Variants in NTM observed in about 807,000 individuals in gnomAD.
NTM encodes the protein IgLON family member 2.
NTM carries 13 observed loss-of-function variants against 42.1 expected under a neutral mutation model. That is an observed-to-expected ratio of 0.31 (90% CI 0.20 to 0.49). NTM has a LOEUF of 0.49. Ranked by LOEUF, NTM falls within the 20% of genes least tolerant of loss-of-function variation. NTM has a pLI of 0.99. For synonymous variants in NTM, 187 were observed against 179.2 expected, an observed-to-expected ratio of 1.04 and a Z score of -0.35; for missense variants, 373 against 452.8, an observed-to-expected ratio of 0.82 and a Z score of 1.60.
intron 2 of NTM, among the ~76,000 whole-genome samples, chr11:132,070,028 C>G (rs192995758): frequency 7.1e-5 from 10 of 140,800 alleles, no homozygotes; most frequent in African/African-American, 2.8e-4. Context: ...GTTAACACGT[C>G]AAACTGACCG....
chr11:131,617,114 ACCC>A (rs1299652030), intron 1 of NTM, among the ~76,000 whole-genome samples: 1 of 151,956 alleles, frequency 6.6e-6, no homozygotes, highest in African/African-American at 2.4e-5. Flanking sequence ...GGGCAGGCAG[ACCC>A]TAGGTGTGCT....
chr11:132,097,868 A>C (rs114424749), intron 2 of NTM, among the ~76,000 whole-genome samples: 1 of 152,340 alleles, frequency 6.6e-6, no homozygotes, highest in African/African-American at 2.4e-5. Flanking sequence ...ACTTGGGCAG[A>C]TGGTAGGCTG....
At chr11:131,840,036 G>A (rs1463101177) in intron 1 of NTM, among the ~76,000 whole-genome samples, 7 of 152,192 alleles carry the variant, frequency 4.6e-5, no homozygotes, top group Non-Finnish European at 1.0e-4. Flanking sequence ...CTGTGTTGGG[G>A]AGTTCAGGTC....
At chr11:132,311,863 C>G (rs1591926799) in intron 6 of NTM, among the ~76,000 whole-genome samples, 1 of 152,196 alleles carries the variant, frequency 6.6e-6, no homozygotes, top group East Asian at 1.9e-4. Context: ...TGCAGCATCT[C>G]TGGTCACAAT....
intron 1 of NTM, among the ~76,000 whole-genome samples, chr11:131,611,496 A>G (rs2061462985): frequency 6.6e-6 from 1 of 152,226 alleles, no homozygotes; most frequent in African/African-American, 2.4e-5. Context: ...GTGTGGAATC[A>G]GATTGCTCTG....
chr11:131,962,934 T>C (rs2062391422), intron 2 of NTM, among the ~76,000 whole-genome samples: 1 of 152,188 alleles, frequency 6.6e-6, no homozygotes, highest in Non-Finnish European at 1.5e-5. Flanking sequence ...GTGAAGATCC[T>C]TACTCACTGC....
intron 6 of NTM, among the ~76,000 whole-genome samples, chr11:132,310,592 C>T (rs144960997): frequency 0.014 from 2,079 of 152,074 alleles, 20 homozygotes; most frequent in Non-Finnish European, 0.021. Context: ...CTCAGGCTTG[C>T]GTAAAGGAGT....
intron 1 of NTM, among the ~76,000 whole-genome samples, chr11:131,552,971 A>T (rs1338140844): frequency 1.3e-5 from 2 of 152,226 alleles, no homozygotes; most frequent in African/African-American, 4.8e-5. Context: ...GACTCACACA[A>T]TCCAAACCAA....
At chr11:131,582,158 T>C (rs1394859145) in intron 1 of NTM, 5 of 152,326 alleles carry the variant, frequency 3.3e-5, no homozygotes, top group African/African-American at 4.8e-5. Flanking sequence ...TCCCAGCCTC[T>C]AAAATGCAGA....
chr11:131,669,994 C>T (rs547991152), intron 1 of NTM, among the ~76,000 whole-genome samples: 295 of 152,234 alleles, frequency 1.9e-3, no homozygotes, highest in African/African-American at 6.6e-3. Flanking sequence ...CCGATTGAAG[C>T]GGAGGCTGGG....
intron 1 of NTM, among the ~76,000 whole-genome samples, chr11:131,380,075 T>C (rs1454882915): frequency 1.3e-5 from 2 of 152,218 alleles, no homozygotes; most frequent in East Asian, 3.8e-4. Flanking sequence ...TGGGGTTTCC[T>C]GTTGCTCCCT....
At chr11:131,691,565 C>T (rs1166594777) in intron 1 of NTM, among the ~76,000 whole-genome samples, 1 of 152,138 alleles carries the variant, frequency 6.6e-6, no homozygotes, top group Non-Finnish European at 1.5e-5. Flanking sequence ...AAAGCCCCCC[C>T]CCGACTTCCC....
At chr11:132,215,169 G>C (rs139976293) in intron 4 of NTM, among the ~76,000 whole-genome samples, 8 of 152,354 alleles carry the variant, frequency 5.3e-5, no homozygotes, top group African/African-American at 1.7e-4. Context: ...TCCAAAGAAA[G>C]AGCGCTGTTG....
chr11:132,281,571 C>T (rs2093972048), intron 4 of NTM, among the ~76,000 whole-genome samples: 1 of 152,300 alleles, frequency 6.6e-6, no homozygotes, highest in East Asian at 1.9e-4. Context: ...CTTTCATTTA[C>T]AGAACCCCAG....
intron 1 of NTM, among the ~76,000 whole-genome samples, chr11:131,642,180 C>T (rs1212606693): frequency 6.6e-6 from 1 of 152,138 alleles, no homozygotes; most frequent in Non-Finnish European, 1.5e-5. Flanking sequence ...GCTGGATAAA[C>T]AGTGCTAAGC....
At chr11:132,139,253 C>T (rs2068604020) in intron 2 of NTM, among the ~76,000 whole-genome samples, 1 of 152,186 alleles carries the variant, frequency 6.6e-6, no homozygotes, top group African/African-American at 2.4e-5. Flanking sequence ...GATGCCCCAC[C>T]TTGCCCAGGT....
At chr11:132,090,198 C>A (rs2060220057) in intron 2 of NTM, among the ~76,000 whole-genome samples, 1 of 152,134 alleles carries the variant, frequency 6.6e-6, no homozygotes. Flanking sequence ...AGAAGGTGAG[C>A]ACTTAAACCA....
chr11:132,258,227 G>C (rs902511314), intron 4 of NTM, among the ~76,000 whole-genome samples: 6 of 152,192 alleles, frequency 3.9e-5, no homozygotes, highest in African/African-American at 7.2e-5. Flanking sequence ...ATAGGACTGA[G>C]GGACACATTT....
chr11:131,872,704 C>G (rs182058428), intron 1 of NTM, among the ~76,000 whole-genome samples: 208 of 152,244 alleles, frequency 1.4e-3, no homozygotes, highest in Middle Eastern at 0.01. Flanking sequence ...ATTTTTATAT[C>G]ATTTGATAGT....
Sources: gnomAD v4.1 joint callset for allele counts (sites outside exome capture counted in the v4.1 genomes callset) on GRCh38, gnomAD v4.1.1 for gene constraint, MANE v1.5 for transcripts, NCBI Gene and HGNC (gene_info 2026-07-23, HGNC 2026-07-21) for gene names.